The following CCDC61 variants were observed in gnomAD, a reference collection of about 807,000 sequenced individuals.
CCDC61 encodes centrosomal protein CCDC61.
A neutral mutation model predicts 63.0 loss-of-function variants in CCDC61; 55 were observed. The observed-to-expected ratio is 0.87, with a 90% CI of 0.70 to 1.09. The LOEUF (loss-of-function observed/expected upper bound fraction) is 1.09. CCDC61 is among the 50% of genes least tolerant of loss of function. The probability of loss-of-function intolerance (pLI) is 0.00; values close to 1 mark genes in which losing one functional copy is unlikely to be tolerated. For synonymous variants in CCDC61, 270 were observed against 317.0 expected, an observed-to-expected ratio of 0.85 and a Z score of 1.58; for missense variants, 651 against 731.4, an observed-to-expected ratio of 0.89 and a Z score of 1.27.
Position 46,004,909 on chromosome 19 carries a change from G to A in CCDC61, c.231+1408G>A, listed in dbSNP as rs1339250948. Among the ~76,000 whole-genome samples the A allele has an allele frequency of 6.7e-5, 9 of 134,314 alleles. No individual in the cohort carries two copies. The East Asian group carries it at 2.0e-3, about 29-fold the overall frequency. 88.1% of individuals were successfully genotyped at this position (134,314 alleles called of 152,430 possible). On this transcript the variant is annotated intron_variant, in intron 3 of 13. Coordinates refer to ENST00000595358, the MANE Select transcript of CCDC61 (RefSeq NM_001267723.2). Reference sequence around the variant, plus strand: ...GCCCAGGCTTAGTGGCACAGTCTCAGCTCACTGCAACCTCCGCGTCTCGGG... The same window carrying A: ...GCCCAGGCTTAGTGGCACAGTCTCAACTCACTGCAACCTCCGCGTCTCGGG...
chr19:46,016,756 C>T lies in CCDC61; in HGVS notation c.1154C>T (p.Ser385Phe), dbSNP rs773355967. ...GSGDGPSVSW[S>F]RQTQPPAALT... ...GGGGACGGTCCGTCCGTCTCCTGGT[C>T]TCGCCAGACCCAGCCCCCTGCTGCC... Residue 385 changes from serine to phenylalanine, a missense_variant, in exon 10 of 14, where the codon TCT becomes TTT. Physicochemically the swap from Ser to Phe is radical, Grantham distance 155 (BLOSUM62 -2). Transcript: ENST00000595358. The surrounding 1 kb of genome is among the most constrained non-coding windows in gnomAD (Gnocchi z 7.2). 1.0e-4 allele frequency: 162 copies of T among 1,591,452 alleles called. 1 individual carries two copies. Among genetic ancestry groups the T allele is most frequent in the Non-Finnish European group, 5.1e-6 (6 of 1,169,928 alleles).
chr19:46,016,054 G>A lies in CCDC61; in HGVS notation c.846G>A (p.Gly282=), dbSNP rs1018701575. The A allele has an allele frequency of 8.1e-7, 1 of 1,235,880 alleles. No homozygotes were observed. Among genetic ancestry groups the A allele is most frequent in the Non-Finnish European group, 1.0e-6 (1 of 991,334 alleles). 76.6% of individuals were successfully genotyped at this position (1,235,880 alleles called of 1,614,324 possible). A position where few individuals can be genotyped will look rare whatever the true frequency, so the allele number is the denominator to read the frequency against. The change falls in exon 8 of 14, where the codon GGG becomes GGA. Residue 282 remains glycine, a splice_region_variant and synonymous_variant. Transcript: ENST00000595358. This position sits in a 1 kb window ranked among gnomAD's most constrained non-coding sequence, Gnocchi z 7.2. ...LTSELALYKR[G]RRTPPVQPPP... ...CTGACAGCTGCCTCTGTGGTCTCAGGAGGCGGACTCCGCCGGTGCAGCCGC... is the reference window on the plus strand; with the variant it reads ...CTGACAGCTGCCTCTGTGGTCTCAGAAGGCGGACTCCGCCGGTGCAGCCGC...
chr19:46,014,020 A>G (rs1968877960), intron 5 of CCDC61, among the ~76,000 whole-genome samples: 1 of 152,120 alleles, frequency 6.6e-6, no homozygotes, highest in Non-Finnish European at 1.5e-5. Context: ...TTTCTTTTAA[A>G]ATTTTTGTGA....
chr19:45,999,596 T>C (rs774114779), intron 1 of CCDC61, among the ~76,000 whole-genome samples: 1 of 152,080 alleles, frequency 6.6e-6, no homozygotes, highest in Non-Finnish European at 1.5e-5. Context: ...TGTAGATTTG[T>C]CTTTGGTGAG....
intron 3 of CCDC61, among the ~76,000 whole-genome samples, chr19:46,005,260 T>C (rs12327894): frequency 0.092 from 2,173 of 23,616 alleles, 54 homozygotes; most frequent in African/African-American, 0.22. Context: ...TCCACCTGCC[T>C]CGGCCTCCCA....
chr19:46,006,684 C>T lies in CCDC61; in HGVS notation c.357C>T (p.Tyr119=). 1 of 1,613,400 alleles carries T rather than the reference C, an allele frequency of 6.2e-7. No homozygotes were observed. The change falls in exon 4 of 14, where the codon TAC becomes TAT. Residue 119 remains tyrosine, a synonymous_variant. Transcript: ENST00000595358. ...PRSAQLNSKR[Y]LILIYSVEFD... ...CGGCCCAGCTCAACTCCAAGCGCTA[C>T]CTGATCCTCATCTACTCCGTGGAGT... is the stretch of plus-strand genomic sequence containing the variant.
chr19:46,014,131 T>G (rs902402056), intron 5 of CCDC61, among the ~76,000 whole-genome samples: 6 of 152,174 alleles, frequency 3.9e-5, no homozygotes, highest in African/African-American at 1.4e-4. Context: ...TTTCTTACAT[T>G]TTTTAAAAAA....
chr19:46,003,359 G>A, intron 2 of CCDC61, 60 bp from the exon 3 acceptor site: 5 of 1,523,208 alleles, frequency 3.3e-6, no homozygotes, highest in South Asian at 2.3e-5. Flanking sequence ...GAGCTTAGGT[G>A]CATTGCCCTG....
intron 2 of CCDC61, 42 bp from the exon 3 acceptor site, chr19:46,003,377 G>A (rs1194471212): frequency 6.3e-7 from 1 of 1,583,820 alleles, no homozygotes; most frequent in East Asian, 2.2e-5. Flanking sequence ...CTGGGGCTGG[G>A]CAAGCGGTCA....
At chr19:46,014,939 G>A in intron 5 of CCDC61, 110 bp from the exon 6 acceptor site, 2 of 927,698 alleles carry the variant, frequency 2.2e-6, no homozygotes, top group Non-Finnish European at 3.0e-6. Flanking sequence ...AGACTGATGA[G>A]CCGTGTACCC....
chr19:46,016,877 G>A lies in CCDC61; in HGVS notation c.1231+44G>A, dbSNP rs897487347. The A allele has an allele frequency of 2.7e-6, 4 of 1,498,816 alleles. No homozygotes were observed. In the African/African-American group the frequency reaches 5.5e-5, roughly 21 times the overall value. The allele number at this position is 1,498,816 out of a possible 1,614,324, so 92.8% of individuals were successfully genotyped here. A position where few individuals can be genotyped will look rare whatever the true frequency, so the allele number is the denominator to read the frequency against. ...GGGGCTGCCGGGCTAGGCGGGACTG[G>A]GCGGGGCTGGGCGGGCTGGGAGGCA... On this transcript the variant is annotated intron_variant, in intron 10 of 13. Transcript: ENST00000595358. The surrounding 1 kb of genome is among the most constrained non-coding windows in gnomAD (Gnocchi z 7.2).
chr19:46,012,620 C>G (rs1968849073), intron 5 of CCDC61, among the ~76,000 whole-genome samples: 1 of 151,772 alleles, frequency 6.6e-6, no homozygotes, highest in Middle Eastern at 3.2e-3. Context: ...GCACTCCAGC[C>G]TGGGTGACAG....
Position 46,003,007 on chromosome 19 carries a change from G to A in CCDC61, c.-11-1G>A. On this transcript the variant is annotated splice_acceptor_variant, in intron 1 of 13. Transcript: ENST00000595358. LOFTEE classifies it low-confidence loss of function (5UTR_SPLICE). Reference sequence around the variant, plus strand: ...GGTTTCTCTCTCATCTCCTTCTCCAGCAACCTTGGCCATGGACCAGCCGGC... The same window carrying A: ...GGTTTCTCTCTCATCTCCTTCTCCAACAACCTTGGCCATGGACCAGCCGGC... The A allele has an allele frequency of 6.4e-7, 1 of 1,553,634 alleles. No homozygotes were observed. Among genetic ancestry groups the A allele is most frequent in the Non-Finnish European group, 8.7e-7 (1 of 1,147,934 alleles).
rs556503700 is a variant in CCDC61 at position 46,005,626 on chromosome 19, C to A, written c.232-933C>A. 3.3e-5 allele frequency among the ~76,000 whole-genome samples: 5 copies of A among 152,038 alleles called. No homozygotes were observed. In the East Asian group the frequency reaches 9.7e-4, roughly 29 times the overall value. On this transcript the variant is annotated intron_variant, in intron 3 of 13. Transcript: ENST00000595358. ...GCTATCAGACACCCAGTGGAAGATA[C>A]AAGTTTTCCAAAATTCTAATTTCAA... is the stretch of plus-strand genomic sequence containing the variant.
At position 46,018,283 on chromosome 19, in the gene CCDC61, C is replaced by A; in HGVS notation, c.1442-7C>A. 6.4e-7 allele frequency: 1 copy of A among 1,562,850 alleles called. No homozygotes were observed. The highest frequency in any genetic ancestry group is 1.2e-5 in the South Asian group (1 of 84,870). On this transcript the variant is annotated splice_region_variant and splice_polypyrimidine_tract_variant and intron_variant, in intron 13 of 13. Coordinates refer to ENST00000595358, the MANE Select transcript of CCDC61 (RefSeq NM_001267723.2). This position sits in a 1 kb window ranked among gnomAD's most constrained non-coding sequence, Gnocchi z 4.2. ...CACAGCCCCCATACCCACACCTGCT[C>A]TCACAGAGTACAGCTCGGAGCACCA...
intron 5 of CCDC61, among the ~76,000 whole-genome samples, chr19:46,010,104 C>G (rs1471181635): frequency 6.6e-6 from 1 of 152,184 alleles, no homozygotes; most frequent in African/African-American, 2.4e-5. Flanking sequence ...CTGCCTGACG[C>G]TAGTTAATGT....
In CCDC61 at chr19:46,003,175, G is replaced by A. The variant is rs149310015; in HGVS notation, c.148+9G>A. 9.7e-4 allele frequency: 1,551 copies of A among 1,601,590 alleles called. 16 individuals carry two copies. The African/African-American group carries it at 0.018, about 19-fold the overall frequency. On this transcript the variant is annotated intron_variant, in intron 2 of 13. Transcript: ENST00000595358. The stretch of plus-strand genomic sequence containing the variant: ...CGAGTTCGATGCTGGCTGTGAGTGT[G>A]CCTGCCTGGGGTGGGCTCACCTTTC...
chr19:46,005,558 T>C (rs1968690066), intron 3 of CCDC61, among the ~76,000 whole-genome samples: 1 of 152,204 alleles, frequency 6.6e-6, no homozygotes, highest in African/African-American at 2.4e-5. Flanking sequence ...CATTTGTTAA[T>C]ATCCTCACCG....
chr19:46,017,278 C>T lies in CCDC61; in HGVS notation c.1342C>T (p.Pro448Ser). The T allele has an allele frequency of 1.9e-6, 3 of 1,566,608 alleles. No homozygotes were observed. The highest frequency in any genetic ancestry group is 2.6e-6 in the Non-Finnish European group (3 of 1,155,170). The part of the protein sequence containing the change: ...GHRRRGKPPS[P>S]TPWSGSNMKS... ...CCGCCGCCGTGGGAAGCCTCCCAGC[C>T]CAACGCCCTGGAGTGGGTCCAATAT... Residue 448 changes from proline (P) to serine (S), a missense_variant, in exon 12 of 14, where the codon CCA becomes TCA. Pro to Ser is a moderately conservative substitution (Grantham distance 74). Transcript: ENST00000595358.
Sources: gnomAD v4.1 joint callset for allele counts (sites outside exome capture counted in the v4.1 genomes callset) on GRCh38, gnomAD v4.1.1 for gene constraint, Gnocchi (gnomAD v3.1) non-coding constraint, MANE v1.5 for transcripts, NCBI Gene and HGNC (gene_info 2026-07-23, HGNC 2026-07-21) for gene names.